The following CC2D2A variants were observed in gnomAD, a reference collection of about 807,000 sequenced individuals.
CC2D2A encodes coiled-coil and C2 domain containing 2A.
In CC2D2A, 155 loss-of-function variants were observed where a neutral mutation model predicts 212.9. That is an observed-to-expected ratio of 0.73 (90% CI 0.64 to 0.83). CC2D2A has a LOEUF of 0.83. Among genes scored for constraint, CC2D2A ranks in the 40% least tolerant of loss-of-function variants. The pLI is 0.00. For synonymous variants in CC2D2A, 667 were observed against 686.5 expected (o/e 0.97, Z 0.44); for missense variants, 1,856 against 1,956.2 (o/e 0.95, Z 0.97).
chr4:15,573,449 C>T (rs1039818334), intron 28 of CC2D2A, among the ~76,000 whole-genome samples: 2 of 152,190 alleles, frequency 1.3e-5, no homozygotes, highest in Non-Finnish European at 2.9e-5. Context: ...TGCCACCACA[C>T]CTGGCTAATT....
rs375903728 is a variant in CC2D2A at position 15,569,295 on chromosome 4, C to T, written c.3401C>T (p.Ala1134Val). 2 of 1,565,972 alleles carry T rather than the reference C, an allele frequency of 1.3e-6. No individual in the cohort carries two copies. Among genetic ancestry groups the T allele is most frequent in the Admixed American group, 1.8e-5 (1 of 54,130 alleles). The change falls in exon 27 of 37, where the codon GCT becomes GTT. Residue 1134 changes from alanine to valine, a missense_variant and splice_region_variant. Transcript: ENST00000424120. ...WNEELELPFR[A>V]PNGDYSTASL... The stretch of plus-strand genomic sequence containing the variant: ...CCTGGTCATGTGCTGTCTTGCAGGG[C>T]TCCTAATGGAGATTATAGCACAGCC...
chr4:15,479,670 TG>T (rs1714497638), intron 3 of CC2D2A, among the ~76,000 whole-genome samples: 1 of 152,142 alleles, frequency 6.6e-6, no homozygotes, highest in Non-Finnish European at 1.5e-5. Context: ...TGGCCACTCC[TG>T]GGGACTGAGG....
chr4:15,499,928 GGGA>G (rs150629677), intron 4 of CC2D2A, among the ~76,000 whole-genome samples: 38,308 of 151,296 alleles, frequency 0.25, 6,288 homozygotes, highest in African/African-American at 0.45. Context: ...TTAGAACCTG[GGGA>G]GGAGGAAACG....
In CC2D2A at chr4:15,479,041, T is replaced by G. The variant is rs80245100; in HGVS notation, c.123+235T>G. On this transcript the variant is annotated intron_variant, in intron 3 of 36. Coordinates refer to ENST00000424120, the MANE Select transcript of CC2D2A (RefSeq NM_001378615.1). ...AGGCGGGGGTCCATACTTAGAGCAT[T>G]TTTACTCTAAGTTTTCTCCCATCTC... 0.08 allele frequency among the ~76,000 whole-genome samples: 12,086 copies of G among 151,990 alleles called. 713 individuals are homozygous for G. Among genetic ancestry groups the G allele is most frequent in the Admixed American group, 0.19 (2,847 of 15,274 alleles).
chr4:15,567,888 T>C, intron 26 of CC2D2A, 102 bp downstream of exon 26: 2 of 791,188 alleles, frequency 2.5e-6, no homozygotes, highest in South Asian at 3.7e-5. Flanking sequence ...TTGTAGCTAG[T>C]GAGCGGCAAC....
chr4:15,507,285 A>G (rs949727777), intron 6 of CC2D2A, among the ~76,000 whole-genome samples: 1 of 152,200 alleles, frequency 6.6e-6, no homozygotes, highest in African/African-American at 2.4e-5. Context: ...TGAGAAAATG[A>G]AGGAGAAGTA....
chr4:15,550,698 C>A, intron 17 of CC2D2A, 126 bp from the exon 18 acceptor site: 1 of 581,462 alleles, frequency 1.7e-6, no homozygotes, highest in South Asian at 6.6e-5. Context: ...CAACTTTCCA[C>A]AATGAGATGA....
At chr4:15,561,097 T>A (rs1304873290) in intron 23 of CC2D2A, among the ~76,000 whole-genome samples, 1 of 152,324 alleles carries the variant, frequency 6.6e-6, no homozygotes, top group Non-Finnish European at 1.5e-5. Flanking sequence ...AGCTGGTGCA[T>A]GTGCTTGGTG....
chr4:15,537,040 G>A lies in CC2D2A; in HGVS notation c.1728G>A (p.Thr576=), dbSNP rs373277928. Residue 576 remains threonine (T), a synonymous_variant, in exon 15 of 37, where the codon ACG becomes ACA. Transcript: ENST00000424120. ...EYAQKMEEYR[T]SLQQWKAWRK... ...CACAGAAGATGGAAGAATACAGAACGTCGTTACAACAGTGGAAGGCCTGGA... is the reference window on the plus strand; with the variant it reads ...CACAGAAGATGGAAGAATACAGAACATCGTTACAACAGTGGAAGGCCTGGA... 24 of 1,613,496 alleles carry A rather than the reference G, an allele frequency of 1.5e-5. No individual in the cohort carries two copies. The highest frequency in any genetic ancestry group is 1.1e-4 in the African/African-American group (8 of 74,898).
At chr4:15,578,342 C>A (rs2109081746) in intron 29 of CC2D2A, among the ~76,000 whole-genome samples, 1 of 152,296 alleles carries the variant, frequency 6.6e-6, no homozygotes, top group East Asian at 1.9e-4. Flanking sequence ...GTAATCAAAT[C>A]TGGAATAGAA....
At chr4:15,480,905 T>C in intron 4 of CC2D2A, 78 bp downstream of exon 4, 1 of 1,504,684 alleles carries the variant, frequency 6.6e-7, no homozygotes, top group Non-Finnish European at 8.9e-7. Flanking sequence ...ATAGGGATTT[T>C]TTATGGGTGT....
chr4:15,495,374 G>T (rs1389308043), intron 4 of CC2D2A, among the ~76,000 whole-genome samples: 1 of 152,164 alleles, frequency 6.6e-6, no homozygotes, highest in Non-Finnish European at 1.5e-5. Flanking sequence ...CTCTCAAAGT[G>T]CTAGGATTAC....
intron 36 of CC2D2A, among the ~76,000 whole-genome samples, chr4:15,600,611 C>T (rs1015672488): frequency 4.6e-5 from 7 of 151,966 alleles, no homozygotes; most frequent in African/African-American, 7.3e-5. Context: ...GCCAAGGGGA[C>T]GAAAATTATT....
At chr4:15,597,717 T>C (rs1194802561) in intron 35 of CC2D2A, among the ~76,000 whole-genome samples, 1 of 152,154 alleles carries the variant, frequency 6.6e-6, no homozygotes, top group Non-Finnish European at 1.5e-5. Flanking sequence ...TCACCTTGGA[T>C]TGGAGTTTAA....
Position 15,569,077 on chromosome 4 carries a change from G to A in CC2D2A, c.3399-216G>A, listed in dbSNP as rs141875761. Among the ~76,000 whole-genome samples the A allele has an allele frequency of 6.5e-3, 992 of 152,264 alleles. 5 individuals carry two copies. The highest frequency in any genetic ancestry group is 0.017 in the Middle Eastern group (5 of 294). ...ACTCACCAGGACAAGCCAGCAGAGG[G>A]TTTGTCTCTGCATAGAGTCTCTAAT... On this transcript the variant is annotated intron_variant, in intron 26 of 36. Transcript: ENST00000424120.
At chr4:15,517,960 G>C (rs1385855640) in intron 11 of CC2D2A, among the ~76,000 whole-genome samples, 1 of 152,102 alleles carries the variant, frequency 6.6e-6, no homozygotes, top group Non-Finnish European at 1.5e-5. Context: ...ACTATCATGA[G>C]AACAGTGCAG....
chr4:15,556,828 T>A lies in CC2D2A; in HGVS notation c.2626-476T>A, dbSNP rs928161430. 5.9e-5 allele frequency among the ~76,000 whole-genome samples: 9 copies of A among 152,342 alleles called. 1 individual carries two copies. Among genetic ancestry groups the A allele is most frequent in the Middle Eastern group, 3.4e-3 (1 of 294 alleles). On this transcript the variant is annotated intron_variant, in intron 20 of 36. Coordinates refer to ENST00000424120, the MANE Select transcript of CC2D2A (RefSeq NM_001378615.1). ...GCTAACTTTTCTCAGTGACCAAGGC[T>A]GTGAGGTGCTATTCAGGGACAGGAA...
chr4:15,551,014 TTTCA>T (rs749184353), intron 18 of CC2D2A, 34 bp downstream of exon 18: 1 of 1,517,500 alleles, frequency 6.6e-7, no homozygotes, highest in Non-Finnish European at 9.0e-7. Flanking sequence ...TGGTTCACTG[TTTCA>T]TTGTCAGATT....
At position 15,601,153 on chromosome 4, in the gene CC2D2A, ATC is replaced by A. The variant is rs1553845854; in HGVS notation, c.4675-82_4675-81del. The A allele has an allele frequency of 8.1e-5, 88 of 1,079,982 alleles. No homozygotes were observed. The African/African-American group carries it at 9.7e-4, about 12-fold the overall frequency. The allele number at this position is 1,079,982 out of a possible 1,614,324, so 66.9% of individuals were successfully genotyped here. On this transcript the variant is annotated intron_variant, in intron 36 of 36. Transcript: ENST00000424120. ...CAAATAACTGAGATCCAGAACACTT[ATC>A]TTAATTGCATACATTTACGTAGGAA...
Sources: gnomAD v4.1 joint callset for allele counts (sites outside exome capture counted in the v4.1 genomes callset) on GRCh38, gnomAD v4.1.1 for gene constraint, MANE v1.5 for transcripts, NCBI Gene and HGNC (gene_info 2026-07-23, HGNC 2026-07-21) for gene names.